The following JPH2 variants were observed in gnomAD, a reference collection of about 807,000 sequenced individuals.
The protein encoded by JPH2 is junctophilin 2, also known as junctophilin-2.
JPH2 carries 38 observed loss-of-function variants against 55.9 expected under a neutral mutation model. The ratio of observed to expected loss-of-function variants is 0.68; its 90% CI spans 0.52 to 0.89. The LOEUF is 0.89. Among genes scored for constraint, JPH2 ranks in the 40% least tolerant of loss-of-function variants. The pLI is 0.00. For synonymous variants in JPH2, 480 were observed against 472.4 expected, an observed-to-expected ratio of 1.02 and a Z score of -0.21; for missense variants, 964 against 1,037.6, an observed-to-expected ratio of 0.93 and a Z score of 0.97.
intron 2 of JPH2, among the ~76,000 whole-genome samples, chr20:44,158,709 TG>T (rs150996975): frequency 6.6e-6 from 1 of 151,538 alleles, no homozygotes; most frequent in Non-Finnish European, 1.5e-5. Context: ...GATGGATAGG[TG>T]GGGGAGGTTG....
intron 2 of JPH2, among the ~76,000 whole-genome samples, chr20:44,129,613 C>A (rs1054777883): frequency 6.6e-6 from 1 of 151,218 alleles, no homozygotes; most frequent in Non-Finnish European, 1.5e-5. Flanking sequence ...GCTAACTATG[C>A]GCCAGACACT....
chr20:44,125,590 C>A (rs963143810), intron 2 of JPH2, among the ~76,000 whole-genome samples: 1 of 152,176 alleles, frequency 6.6e-6, no homozygotes, highest in Non-Finnish European at 1.5e-5. Flanking sequence ...ATGAATAGGA[C>A]CCAGCAGCCG....
chr20:44,156,645 G>A lies in JPH2; in HGVS notation c.1169+2973C>T, dbSNP rs140877180. Among the ~76,000 whole-genome samples the A allele has an allele frequency of 3.1e-3, 475 of 152,238 alleles. 1 individual carries two copies. Among genetic ancestry groups the A allele is most frequent in the South Asian group, 7.0e-3 (34 of 4,828 alleles). On this transcript the variant is annotated intron_variant, in intron 2 of 5. Transcript: ENST00000372980. ...TTGGATCCTCACACAGCAGAAGGCGGGAGTGCCAAGAGACAAAAAGGGGTC... is the reference window on the plus strand; with the variant it reads ...TTGGATCCTCACACAGCAGAAGGCGAGAGTGCCAAGAGACAAAAAGGGGTC...
rs1162388819 is a variant in JPH2, at chr20:44,180,972, ATGTG to A, written c.379+5351_379+5354del. ...CACATAACTCTTTCAGGGCTGGGGC[ATGTG>A]CGGATGCTTTAAGTCAGCAGCTGTT... On this transcript the variant is annotated intron_variant, in intron 1 of 5. Coordinates refer to ENST00000372980, the MANE Select transcript of JPH2 (RefSeq NM_020433.5). 1.5e-4 allele frequency among the ~76,000 whole-genome samples: 23 copies of A among 152,072 alleles called. 1 individual carries two copies. In the East Asian group the frequency reaches 3.9e-3, roughly 26 times the overall value.
At chr20:44,134,349 T>A (rs571783891) in intron 2 of JPH2, among the ~76,000 whole-genome samples, 4 of 6,576 alleles carry the variant, frequency 6.1e-4, no homozygotes, top group African/African-American at 7.7e-4. Context: ...AAATATTTAT[T>A]ATAAATATAT....
intron 2 of JPH2, among the ~76,000 whole-genome samples, chr20:44,120,173 A>G (rs2072225474): frequency 6.6e-6 from 1 of 152,088 alleles, no homozygotes; most frequent in South Asian, 2.1e-4. Context: ...CTTCTAGGGA[A>G]TCTAACCTAC....
At position 44,116,320 on chromosome 20, in the gene JPH2, G is replaced by A; in HGVS notation, c.1355C>T (p.Pro452Leu). ...CGCTGCGCCGGCGCCCCGGTCGGGG[G>A]GCTCCAGCAGGCTCTCCGAGTTCTC... ...ILENSESLLE[P>L]PDRGAGAAGL... Residue 452 changes from proline (P) to leucine (L), a missense_variant, in exon 4 of 6, where the codon CCC becomes CTC. By Grantham distance (98) the Pro-to-Leu change is moderately conservative. Transcript: ENST00000372980. The A allele has an allele frequency of 1.9e-6, 3 of 1,544,312 alleles. No individual in the cohort carries two copies. Among genetic ancestry groups the A allele is most frequent in the South Asian group, 1.2e-5 (1 of 83,768 alleles).
In JPH2 at chr20:44,160,591, AG is replaced by A. The variant is rs1329127803; in HGVS notation, c.380-185del. On this transcript the variant is annotated intron_variant, in intron 1 of 5. Transcript: ENST00000372980. This position sits in a 1 kb window ranked among gnomAD's most constrained non-coding sequence, Gnocchi z 4.9. Reference sequence around the variant, plus strand: ...GTCTACTCGAGTGTGCAATAACACGAGTGGGTGAGCCAGGAGGAGCTTGCAC... The same window carrying A: ...GTCTACTCGAGTGTGCAATAACACGATGGGTGAGCCAGGAGGAGCTTGCAC... Among the ~76,000 whole-genome samples the A allele has an allele frequency of 2.0e-5, 3 of 152,274 alleles. No homozygotes were observed. The highest frequency in any genetic ancestry group is 7.2e-5 in the African/African-American group (3 of 41,564).
At chr20:44,163,110 C>T (rs1183943674) in intron 1 of JPH2, among the ~76,000 whole-genome samples, 1 of 152,040 alleles carries the variant, frequency 6.6e-6, no homozygotes, top group Non-Finnish European at 1.5e-5. Flanking sequence ...GCTTTTCTCC[C>T]TCTGCTAAAA....
At chr20:44,162,815 C>T (rs980098030) in intron 1 of JPH2, among the ~76,000 whole-genome samples, 19 of 142,444 alleles carry the variant, frequency 1.3e-4, no homozygotes, top group African/African-American at 5.0e-4. Context: ...CACACACACA[C>T]ACACACACAT....
At chr20:44,180,431 A>G (rs2072771677) in intron 1 of JPH2, among the ~76,000 whole-genome samples, 1 of 151,958 alleles carries the variant, frequency 6.6e-6, no homozygotes, top group South Asian at 2.1e-4. Context: ...TCCCGGGCTC[A>G]AGCGATCCTC....
chr20:44,130,321 T>G (rs1323028987), intron 2 of JPH2, among the ~76,000 whole-genome samples: 1 of 152,224 alleles, frequency 6.6e-6, no homozygotes, highest in African/African-American at 2.4e-5. Flanking sequence ...CAGCCCAGTC[T>G]TGTCCCCCAG....
chr20:44,167,797 G>T (rs1359945203), intron 1 of JPH2, among the ~76,000 whole-genome samples: 1 of 152,126 alleles, frequency 6.6e-6, no homozygotes, highest in Non-Finnish European at 1.5e-5. Context: ...TTCTTCATCT[G>T]GTTGTTCATA....
At chr20:44,131,505 G>A (rs919992486) in intron 2 of JPH2, among the ~76,000 whole-genome samples, 18 of 152,138 alleles carry the variant, frequency 1.2e-4, no homozygotes, top group Non-Finnish European at 2.5e-4. Context: ...GTTATGCGGT[G>A]ATGGGTAACT....
In JPH2 at chr20:44,118,016, G is replaced by A. The variant is rs1035139856; in HGVS notation, c.1288+489C>T. 7.2e-5 allele frequency among the ~76,000 whole-genome samples: 11 copies of A among 152,324 alleles called. 1 individual carries two copies. Among genetic ancestry groups the A allele is most frequent in the Admixed American group, 6.5e-4 (10 of 15,304 alleles). On this transcript the variant is annotated intron_variant, in intron 3 of 5. Coordinates refer to ENST00000372980, the MANE Select transcript of JPH2 (RefSeq NM_020433.5). The stretch of plus-strand genomic sequence containing the variant: ...TCACAGCTGGGAAGCAGCGGAATCA[G>A]GGTTTGAATGAATGCAGAGTCTGTT...
At chr20:44,185,921 G>A (rs1303999846) in intron 1 of JPH2, among the ~76,000 whole-genome samples, 2 of 152,070 alleles carry the variant, frequency 1.3e-5, no homozygotes, top group Middle Eastern at 3.2e-3. Flanking sequence ...TGGGTGGGTG[G>A]ATGAATACTC....
Position 44,186,744 on chromosome 20 carries a change from T to A in JPH2, c.-39A>T. On this transcript the variant is annotated 5_prime_UTR_variant, in exon 1 of 6. Coordinates refer to ENST00000372980, the MANE Select transcript of JPH2 (RefSeq NM_020433.5). The stretch of plus-strand genomic sequence containing the variant: ...CTGACAACCTCCCCGTCCTCCAGCG[T>A]GGGTGCAGAGGGCGTGGGTGATGCC... The A allele has an allele frequency of 6.3e-7, 1 of 1,593,066 alleles. No homozygotes were observed. Among genetic ancestry groups the A allele is most frequent in the Non-Finnish European group, 8.5e-7 (1 of 1,176,060 alleles).
At chr20:44,133,472 C>T (rs529559352) in intron 2 of JPH2, among the ~76,000 whole-genome samples, 1 of 152,054 alleles carries the variant, frequency 6.6e-6, no homozygotes, top group Non-Finnish European at 1.5e-5. Context: ...GGGGCAGCCA[C>T]ACAGCAGGGA....
intron 2 of JPH2, among the ~76,000 whole-genome samples, chr20:44,129,635 A>C (rs1011059814): frequency 2.0e-5 from 3 of 151,850 alleles, no homozygotes; most frequent in African/African-American, 7.3e-5. Context: ...AGCCAAAGGC[A>C]TCAATGAATA....
Sources: gnomAD v4.1 joint callset for allele counts (sites outside exome capture counted in the v4.1 genomes callset) on GRCh38, gnomAD v4.1.1 for gene constraint, Gnocchi (gnomAD v3.1) non-coding constraint, MANE v1.5 for transcripts, NCBI Gene and HGNC (gene_info 2026-07-23, HGNC 2026-07-21) for gene names.